Variants in ALKBH3 observed in about 807,000 individuals in gnomAD.
The protein encoded by ALKBH3 is alpha-ketoglutarate-dependent dioxygenase alkB homolog 3.
In ALKBH3, 51 loss-of-function variants were observed where a neutral mutation model predicts 43.9. The ratio of observed to expected loss-of-function variants is 1.16; its 90% CI spans 0.93 to 1.47. ALKBH3 has a LOEUF of 1.47. Among genes scored for constraint, ALKBH3 ranks in the 40% most tolerant of loss-of-function variants. ALKBH3 has a pLI of 0.00. For missense variants in ALKBH3, 361 were observed against 351.9 expected (o/e 1.03, Z -0.21); for synonymous variants, 102 against 115.2 (o/e 0.89, Z 0.73).
At chr11:43,914,703 C>T (rs188552065) in intron 8 of ALKBH3, among the ~76,000 whole-genome samples, 1 of 152,202 alleles carries the variant, frequency 6.6e-6, no homozygotes, top group East Asian at 1.9e-4. Flanking sequence ...TGAGCTATTC[C>T]ATGTTAAATA....
chr11:43,897,499 C>A (rs1331493059), intron 7 of ALKBH3: 2 of 754,770 alleles, frequency 2.6e-6, no homozygotes, highest in Non-Finnish European at 4.9e-6. Context: ...TACAAATACC[C>A]CTTCAAATTA....
intron 2 of ALKBH3, 151 bp downstream of exon 2, chr11:43,882,882 A>G: frequency 1.0e-6 from 1 of 974,320 alleles, no homozygotes; most frequent in Non-Finnish European, 1.5e-6. Flanking sequence ...GATTTTGTTG[A>G]TGGTGAGCTA....
At chr11:43,884,073 G>A (rs968973223) in intron 4 of ALKBH3, 56 bp downstream of exon 4, 6 of 1,599,764 alleles carry the variant, frequency 3.8e-6, no homozygotes, top group Non-Finnish European at 5.1e-6. Context: ...GAAGAGCCTG[G>A]AATCTTTCCT....
chr11:43,883,844 C>T, intron 3 of ALKBH3, 139 bp from the exon 4 acceptor site: 1 of 918,310 alleles, frequency 1.1e-6, no homozygotes, highest in Non-Finnish European at 1.7e-6. Flanking sequence ...ACAAGGGTCT[C>T]TAGTGGGTTA....
chr11:43,883,337 C>T (rs999001706), intron 3 of ALKBH3, 149 bp downstream of exon 3: 89 of 630,388 alleles, frequency 1.4e-4, no homozygotes, highest in Middle Eastern at 4.3e-4. Context: ...AGAAATATTT[C>T]AGTTCCTTTC....
At chr11:43,883,416 G>A (rs1951727365) in intron 3 of ALKBH3, among the ~76,000 whole-genome samples, 1 of 152,194 alleles carries the variant, frequency 6.6e-6, no homozygotes, top group Non-Finnish European at 1.5e-5. Context: ...TTTTTGGCAA[G>A]GAGGTTACAC....
At chr11:43,891,153 AG>A (rs756730311) in intron 6 of ALKBH3, among the ~76,000 whole-genome samples, 68 of 152,314 alleles carry the variant, frequency 4.5e-4, no homozygotes, top group Non-Finnish European at 7.6e-4. Context: ...TCAGAATAGG[AG>A]TCAGCTTTCT....
chr11:43,897,424 A>G (rs1951827065), intron 7 of ALKBH3: 2 of 732,352 alleles, frequency 2.7e-6, no homozygotes, highest in Non-Finnish European at 5.0e-6. Flanking sequence ...TTGGCAAGAC[A>G]GGTGTGAAAG....
intron 7 of ALKBH3, chr11:43,897,185 A>G (rs915627088): frequency 5.8e-6 from 3 of 516,214 alleles, no homozygotes; most frequent in Non-Finnish European, 1.2e-5. Flanking sequence ...AAAGTTTGAC[A>G]TGGTTTCAGA....
chr11:43,886,288 A>G lies in ALKBH3; in HGVS notation c.219-318A>G, dbSNP rs532835826. 5.3e-5 allele frequency among the ~76,000 whole-genome samples: 8 copies of G among 152,272 alleles called. No individual in the cohort carries two copies. The South Asian group carries it at 1.5e-3, about 28-fold the overall frequency. On this transcript the variant is annotated intron_variant, in intron 4 of 9. Coordinates refer to ENST00000302708, the MANE Select transcript of ALKBH3 (RefSeq NM_139178.4). The stretch of plus-strand genomic sequence containing the variant: ...TCCACATTCTCCAGAGGAGTGCTCT[A>G]TTTGAAACCTCTTTGTGCAATAGAT...
intron 7 of ALKBH3, among the ~76,000 whole-genome samples, chr11:43,900,215 A>ATTTTTTTTTTT: frequency 1.1e-5 from 1 of 87,150 alleles, no homozygotes; most frequent in Non-Finnish European, 2.2e-5. Context: ...TTTTAATTTA[A>ATTTTTTTTTTT]TTTTTTTTTT....
chr11:43,892,032 C>T lies in ALKBH3; in HGVS notation c.371-9C>T, dbSNP rs765760670. 7 of 1,604,004 alleles carry T rather than the reference C, an allele frequency of 4.4e-6. No homozygotes were observed. The highest frequency in any genetic ancestry group is 1.3e-5 in the African/African-American group (1 of 74,626). ...AAACCATTTCAAAGGCCTGTATTTT[C>T]TTTCTTAGATATAACTTATCAGCAA... On this transcript the variant is annotated splice_polypyrimidine_tract_variant and intron_variant, in intron 6 of 9. Coordinates refer to ENST00000302708, the MANE Select transcript of ALKBH3 (RefSeq NM_139178.4).
chr11:43,917,893 C>A (rs1358203521), intron 8 of ALKBH3, among the ~76,000 whole-genome samples: 2 of 152,220 alleles, frequency 1.3e-5, no homozygotes, highest in Non-Finnish European at 2.9e-5. Flanking sequence ...GACAAAGTTA[C>A]TGCCAAAAGT....
intron 6 of ALKBH3, among the ~76,000 whole-genome samples, chr11:43,890,357 A>G (rs1173579512): frequency 6.6e-6 from 1 of 152,122 alleles, no homozygotes; most frequent in African/African-American, 2.4e-5. Context: ...TTGGAACCTG[A>G]ATCTCTGCGG....
At chr11:43,884,088 G>A in intron 4 of ALKBH3, 71 bp downstream of exon 4, 1 of 1,574,120 alleles carries the variant, frequency 6.4e-7, no homozygotes, top group South Asian at 1.1e-5. Context: ...TTTCCTCACT[G>A]TTTTTTCTAT....
At position 43,919,090 on chromosome 11, in the gene ALKBH3, A is replaced by G; in HGVS notation, c.722A>G (p.His241Arg). 2 of 1,613,550 alleles carry G rather than the reference A, an allele frequency of 1.2e-6. No individual in the cohort carries two copies. Among genetic ancestry groups the G allele is most frequent in the Non-Finnish European group, 1.7e-6 (2 of 1,179,490 alleles). ...YVERVKIPLDHGTLLIMEGAT... is the reference protein window; with the variant it reads ...YVERVKIPLDRGTLLIMEGAT... ...GAAAGAGTGAAGATACCCTTGGATC[A>G]TGGGACCTTGTTAATCATGGAAGGA... is the stretch of plus-strand genomic sequence containing the variant. The change falls in exon 9 of 10, where the codon CAT becomes CGT. Residue 241 changes from histidine to arginine, a missense_variant. Physicochemically the swap from His to Arg is conservative, Grantham distance 29. Transcript: ENST00000302708.
At chr11:43,911,950 G>A (rs149275031) in intron 8 of ALKBH3, among the ~76,000 whole-genome samples, 3,880 of 152,048 alleles carry the variant, frequency 0.026, 92 homozygotes, top group African/African-American at 0.063. Flanking sequence ...GTGAAACCCC[G>A]TCTCTACTAA....
Position 43,883,389 on chromosome 11 carries a change from C to G in ALKBH3, c.183+201C>G, listed in dbSNP as rs113984408. Among the ~76,000 whole-genome samples, 198 of 152,278 alleles carry G rather than the reference C, an allele frequency of 1.3e-3. 1 individual carries two copies. Among genetic ancestry groups the G allele is most frequent in the African/African-American group, 4.6e-3 (191 of 41,556 alleles). ...TCGTAGTCTGCTCCCAGTTTATGGTCACATGTTATTCCCGTATTTTTGGCA... is the reference window on the plus strand; with the variant it reads ...TCGTAGTCTGCTCCCAGTTTATGGTGACATGTTATTCCCGTATTTTTGGCA... On this transcript the variant is annotated intron_variant, in intron 3 of 9. Transcript: ENST00000302708.
chr11:43,887,987 C>G (rs1233702707), intron 5 of ALKBH3, among the ~76,000 whole-genome samples: 1 of 150,252 alleles, frequency 6.7e-6, no homozygotes, highest in Non-Finnish European at 1.5e-5. Context: ...TTAGTAGAGA[C>G]GAGGTTTCAC....
Sources: allele counts gnomAD v4.1 joint callset (sites outside exome capture counted in the v4.1 genomes callset), GRCh38; gene constraint gnomAD v4.1.1; transcripts MANE v1.5; gene names NCBI Gene and HGNC (gene_info 2026-07-23, HGNC 2026-07-21).